The following BID variants were observed in gnomAD, a reference collection of about 807,000 sequenced individuals.
BID encodes the protein BH3-interacting domain death agonist.
Under a neutral mutation model 17.4 loss-of-function variants are expected in BID, and 19 were observed. That is an observed-to-expected ratio of 1.09 (90% CI 0.76 to 1.60). The LOEUF is 1.60. Among genes scored for constraint, BID ranks in the 40% most tolerant of loss-of-function variants. The pLI is 0.00. For synonymous variants in BID, 108 were observed against 102.8 expected (o/e 1.05, Z -0.31); for missense variants, 226 against 256.0 (o/e 0.88, Z 0.80).
chr22:17,754,670 T>A (rs181410), intron 1 of BID, among the ~76,000 whole-genome samples: 101,896 of 152,180 alleles, frequency 0.67, 34,490 homozygotes, highest in East Asian at 0.94. Flanking sequence ...AGGGCAGTCC[T>A]CTCCTTGGTC....
At chr22:17,744,155 G>T in intron 2 of BID, 142 bp from the exon 3 acceptor site, 1 of 729,170 alleles carries the variant, frequency 1.4e-6, no homozygotes, top group South Asian at 1.8e-5. Context: ...GGGCCCTGCA[G>T]GAGGTCTCAA....
intron 1 of BID, among the ~76,000 whole-genome samples, chr22:17,754,310 A>G (rs1233594966): frequency 1.3e-5 from 2 of 152,258 alleles, no homozygotes; most frequent in Non-Finnish European, 2.9e-5. Context: ...GGACCCCAGC[A>G]GGCACCGCCA....
chr22:17,753,091 T>C (rs370627267), intron 1 of BID, among the ~76,000 whole-genome samples: 5 of 144,736 alleles, frequency 3.5e-5, no homozygotes, highest in Middle Eastern at 4.0e-3. Context: ...CTCAGCCTCC[T>C]GAGTAGCTAG....
In BID at chr22:17,743,910, G is replaced by A. The variant is rs759844569; in HGVS notation, c.116C>T (p.Ala39Val). The change falls in exon 3 of 6, where the codon GCA becomes GTA. Residue 39 changes from alanine (A) to valine (V), a missense_variant. By Grantham distance (64) the Ala-to-Val change is moderately conservative. Coordinates refer to ENST00000622694, the MANE Select transcript of BID (RefSeq NM_001196.4). ...CAGCACTGGCAGCTCGTGGCCCAGT[G>A]CGTCCAGCTCTCTGCGGAAGCTGTT... ...SDNSFRRELD[A>V]LGHELPVLAP... 3 of 1,613,770 alleles carry A rather than the reference G, an allele frequency of 1.9e-6. No homozygotes were observed. The highest frequency in any genetic ancestry group is 1.7e-6 in the Non-Finnish European group (2 of 1,180,016).
chr22:17,764,953 C>T (rs1156321592), intron 1 of BID, among the ~76,000 whole-genome samples: 1 of 152,162 alleles, frequency 6.6e-6, no homozygotes, highest in Non-Finnish European at 1.5e-5. Context: ...ACAGAAAATC[C>T]CAAGTGCCTT....
At position 17,773,534 on chromosome 22, in the gene BID, C is replaced by T; in HGVS notation, c.-59+847G>A. The T allele has an allele frequency of 6.6e-7, 1 of 1,510,014 alleles. No individual in the cohort carries two copies. The highest frequency in any genetic ancestry group is 1.4e-5 in the African/African-American group (1 of 72,670). 93.5% of individuals were successfully genotyped at this position (1,510,014 alleles called of 1,614,324 possible). ...GAAGAGCTCTGGGTGGGTCCATCTG[C>T]TCCTCACCTGCCCCAACCCTGCCTG... On this transcript the variant is annotated intron_variant, in intron 1 of 5. Coordinates refer to ENST00000622694, the MANE Select transcript of BID (RefSeq NM_001196.4). The surrounding 1 kb of genome is among the most constrained non-coding windows in gnomAD (Gnocchi z 4.4).
At chr22:17,755,340 G>A (rs774114539) in intron 1 of BID, among the ~76,000 whole-genome samples, 10 of 152,222 alleles carry the variant, frequency 6.6e-5, no homozygotes, top group South Asian at 2.1e-4. Flanking sequence ...GCTCCAACCC[G>A]GAAATGTGAA....
intron 2 of BID, among the ~76,000 whole-genome samples, chr22:17,748,463 G>A (rs1241729685): frequency 1.4e-4 from 20 of 144,186 alleles, no homozygotes; most frequent in Non-Finnish European, 2.3e-4. Flanking sequence ...AGCGGAGATC[G>A]TGCCACTGCA....
At chr22:17,737,424 G>A (rs909243372) in intron 5 of BID, among the ~76,000 whole-genome samples, 7 of 151,924 alleles carry the variant, frequency 4.6e-5, no homozygotes, top group Non-Finnish European at 8.8e-5. Flanking sequence ...TCAGTTCACT[G>A]CAACCTCTGC....
At chr22:17,768,613 C>T (rs1198963324) in intron 1 of BID, among the ~76,000 whole-genome samples, 2 of 152,198 alleles carry the variant, frequency 1.3e-5, no homozygotes, top group East Asian at 1.9e-4. Context: ...GTGGCTCACG[C>T]CTGTAATCCC....
chr22:17,763,927 A>G (rs1472963594), intron 1 of BID, among the ~76,000 whole-genome samples: 1 of 151,892 alleles, frequency 6.6e-6, no homozygotes, highest in African/African-American at 2.4e-5. Context: ...AATCAAAAGC[A>G]GACATGTTTG....
intron 2 of BID, among the ~76,000 whole-genome samples, chr22:17,744,618 G>A (rs1050755231): frequency 6.6e-5 from 10 of 152,238 alleles, no homozygotes; most frequent in African/African-American, 2.2e-4. Context: ...AATCCCACAG[G>A]GAGTGGTGGC....
intron 1 of BID, among the ~76,000 whole-genome samples, chr22:17,754,616 C>T (rs1000357876): frequency 1.3e-5 from 2 of 152,258 alleles, no homozygotes; most frequent in African/African-American, 4.8e-5. Flanking sequence ...AAGCACAGCA[C>T]ACAGGTGCTC....
At chr22:17,774,130 C>A (rs8190270) in intron 1 of BID, 2,468 of 181,588 alleles carry the variant, frequency 0.014, 57 homozygotes, top group African/African-American at 0.054. Flanking sequence ...CGAGGCGGAC[C>A]CGACCCTCAG....
intron 5 of BID, among the ~76,000 whole-genome samples, chr22:17,736,104 G>A (rs1483519437): frequency 1.3e-5 from 2 of 152,146 alleles, no homozygotes; most frequent in Admixed American, 6.5e-5. Flanking sequence ...TCTCAGTAGA[G>A]GATTAGATGC....
intron 3 of BID, chr22:17,741,206 C>T (rs2061456695): frequency 6.6e-6 from 1 of 152,308 alleles, no homozygotes. Context: ...ACTCGGCCAC[C>T]TTCACAGCAC....
chr22:17,757,402 CAAAAAAAAAA>C (rs34545330), intron 1 of BID, among the ~76,000 whole-genome samples: 3 of 61,030 alleles, frequency 4.9e-5, no homozygotes, highest in Middle Eastern at 0.026. Flanking sequence ...GACCCTGTCC[CAAAAAAAAAA>C]AAAAAAAAAA....
At position 17,739,482 on chromosome 22, in the gene BID, T is replaced by C. The variant is rs779754238; in HGVS notation, c.230A>G (p.Glu77Gly). ...SRLGRIEADS[E>G]SQEDIIRNIA... ...ATTCCGGATGATGTCTTCTTGACTT[T>C]CAGAATCTGTGTTCAGGCAGGGGCG... Residue 77 changes from glutamate (E) to glycine (G), a missense_variant, in exon 4 of 6, where the codon GAA (glutamate) becomes GGA (glycine). Glu to Gly is a moderately conservative substitution (Grantham distance 98). Transcript: ENST00000622694. 1.2e-6 allele frequency: 2 copies of C among 1,611,422 alleles called. No homozygotes were observed. Among genetic ancestry groups the C allele is most frequent in the South Asian group, 2.2e-5 (2 of 91,034 alleles).
chr22:17,765,013 T>C (rs558445299), intron 1 of BID, among the ~76,000 whole-genome samples: 56 of 152,140 alleles, frequency 3.7e-4, no homozygotes, highest in African/African-American at 1.3e-3. Flanking sequence ...CCAACATTCA[T>C]GAAAACACTG....
Sources: gnomAD v4.1 joint callset for allele counts (sites outside exome capture counted in the v4.1 genomes callset) on GRCh38, gnomAD v4.1.1 for gene constraint, Gnocchi (gnomAD v3.1) non-coding constraint, MANE v1.5 for transcripts, NCBI Gene and HGNC (gene_info 2026-07-23, HGNC 2026-07-21) for gene names.